Variants in PRAMEF1 observed in about 807,000 individuals in gnomAD.
PRAMEF1 encodes the protein PRAME family member 1.
PRAMEF1 carries 21 observed loss-of-function variants against 38.2 expected under a neutral mutation model. That is an observed-to-expected ratio of 0.55 (90% confidence interval 0.39 to 0.79). The LOEUF (loss-of-function observed/expected upper bound fraction) is 0.79, where lower values mean the gene tolerates loss of function less well. PRAMEF1 is among the 30% of genes least tolerant of loss of function. The pLI is 0.00. For synonymous variants in PRAMEF1, 200 were observed against 229.0 expected, an observed-to-expected ratio of 0.87 and a Z score of 1.14; for missense variants, 497 against 565.8, an observed-to-expected ratio of 0.88 and a Z score of 1.23.
rs200536957 is a variant in PRAMEF1, at chr1:12,795,498, C to T, written c.927C>T (p.Asp309=). The T allele has an allele frequency of 4.3e-6, 7 of 1,612,236 alleles. No individual in the cohort carries two copies. Among genetic ancestry groups the T allele is most frequent in the East Asian group, 4.5e-5 (2 of 44,778 alleles). ...CTTATGGCTACCTATTGGAAGAAGA[C>T]ATGAAGTGTCTCTCCCAGTACCCAA... The part of the protein sequence containing the change: ...ELTYGYLLEE[D]MKCLSQYPSL... Residue 309 remains aspartate (D), a synonymous_variant, in exon 4 of 4, where the codon GAC becomes GAT. Transcript: ENST00000332296.
In PRAMEF1 at chr1:12,795,604, G is replaced by C. The variant is rs762671268; in HGVS notation, c.1033G>C (p.Glu345Gln). Residue 345 changes from glutamate to glutamine, a missense_variant, in exon 4 of 4, where the codon GAG (glutamate) becomes CAG (glutamine). Glu to Gln is a conservative substitution (Grantham distance 29, BLOSUM62 2). Around this residue, in one of 2 missense-constraint regions of PRAMEF1, gnomAD observed 470 missense variants for 501.9 expected, o/e 0.94. Coordinates refer to ENST00000332296, the MANE Select transcript of PRAMEF1 (RefSeq NM_023013.4). ...ISLEPLGALL[E>Q]KIAASLKTLI... Reference sequence around the variant, plus strand: ...TCTTGAACCCCTCGGAGCTCTGCTGGAGAAAATTGCTGCCTCTCTCAAAAC... The same window carrying C: ...TCTTGAACCCCTCGGAGCTCTGCTGCAGAAAATTGCTGCCTCTCTCAAAAC... The C allele has an allele frequency of 6.8e-6, 11 of 1,611,934 alleles. No homozygotes were observed. The highest frequency in any genetic ancestry group is 9.3e-6 in the Non-Finnish European group (11 of 1,179,790).
chr1:12,792,072 C>G lies in PRAMEF1; in HGVS notation c.-26+598C>G, dbSNP rs1311372057. ...AGTTTCCCTATTGTTGCCCAGGCTGCAGTGCCATGGTGTGATTTGGCTCAC... is the reference window on the plus strand; with the variant it reads ...AGTTTCCCTATTGTTGCCCAGGCTGGAGTGCCATGGTGTGATTTGGCTCAC... On this transcript the variant is annotated intron_variant, in intron 1 of 3. Transcript: ENST00000332296. 1.4e-3 allele frequency among the ~76,000 whole-genome samples: 204 copies of G among 151,000 alleles called. 2 individuals carry two copies. The highest frequency in any genetic ancestry group is 3.8e-3 in the Admixed American group (57 of 15,102).
In PRAMEF1 at chr1:12,794,502, G is replaced by C. The variant is rs774651517; in HGVS notation, c.866+9G>C. On this transcript the variant is annotated intron_variant, in intron 3 of 3. Coordinates refer to ENST00000332296, the MANE Select transcript of PRAMEF1 (RefSeq NM_023013.4). Reference sequence around the variant, plus strand: ...CTGGAACAGCTGATCAGGTGAGAAAGGATCATGCACTTTGTATGCAGACCA... The same window carrying C: ...CTGGAACAGCTGATCAGGTGAGAAACGATCATGCACTTTGTATGCAGACCA... The C allele has an allele frequency of 3.1e-6, 5 of 1,609,820 alleles. No homozygotes were observed. The highest frequency in any genetic ancestry group is 4.2e-6 in the Non-Finnish European group (5 of 1,177,780).
chr1:12,794,310 T>C lies in PRAMEF1; in HGVS notation c.683T>C (p.Leu228Pro), dbSNP rs1283581715. 2.5e-6 allele frequency: 4 copies of C among 1,612,206 alleles called. No homozygotes were observed. Among genetic ancestry groups the C allele is most frequent in the East Asian group, 2.2e-5 (1 of 44,654 alleles). ...PRLIRKLRCY[L>P]KEMKNLRKLV... is the part of the protein sequence containing the mutation. ...CTGATAAGAAAGCTTCGTTGTTACCTGAAGGAGATGAAGAATCTTCGCAAA... is the reference window on the plus strand; with the variant it reads ...CTGATAAGAAAGCTTCGTTGTTACCCGAAGGAGATGAAGAATCTTCGCAAA... Residue 228 changes from leucine (L) to proline (P), a missense_variant, in exon 3 of 4, where the codon CTG becomes CCG. Leu to Pro is a moderately conservative substitution (Grantham distance 98, BLOSUM62 -3). Around this residue, in one of 2 missense-constraint regions of PRAMEF1, gnomAD observed 470 missense variants for 501.9 expected, o/e 0.94. Transcript: ENST00000332296.
At position 12,794,432 on chromosome 1, in the gene PRAMEF1, C is replaced by T. The variant is rs1447175543; in HGVS notation, c.805C>T (p.Leu269Phe). The change falls in exon 3 of 4, where the codon CTT becomes TTT. Residue 269 changes from leucine to phenylalanine, a missense_variant. Around this residue, in one of 2 missense-constraint regions of PRAMEF1, gnomAD observed 470 missense variants for 501.9 expected, o/e 0.94. Transcript: ENST00000332296. ...FSSVFLRLEH[L>F]QLLKIKLITF... Reference sequence around the variant, plus strand: ...CTCTGTGTTCCTCAGGCTGGAACACCTTCAGTTGCTTAAAATAAAATTGAT... The same window carrying T: ...CTCTGTGTTCCTCAGGCTGGAACACTTTCAGTTGCTTAAAATAAAATTGAT... 1 of 1,610,536 alleles carries T rather than the reference C, an allele frequency of 6.2e-7. No individual in the cohort carries two copies. Among genetic ancestry groups the T allele is most frequent in the Non-Finnish European group, 8.5e-7 (1 of 1,177,986 alleles).
At chr1:12,795,146 C>A (rs1318062181) in intron 3 of PRAMEF1, among the ~76,000 whole-genome samples, 3 of 151,332 alleles carry the variant, frequency 2.0e-5, no homozygotes, top group Non-Finnish European at 2.9e-5. Flanking sequence ...ACATCTCCCA[C>A]CGGGTACCTG....
chr1:12,793,181 T>C, intron 1 of PRAMEF1, 22 bp from the exon 2 acceptor site: 7 of 1,603,374 alleles, frequency 4.4e-6, no homozygotes, highest in Non-Finnish European at 6.0e-6. Context: ...AGTGACACAT[T>C]TTCCCTGGAT....
At chr1:12,795,037 G>C in intron 3 of PRAMEF1, 2 of 1,169,544 alleles carry the variant, frequency 1.7e-6, no homozygotes, top group Non-Finnish European at 2.3e-6. Context: ...GTGGTAAAAA[G>C]TGACAGTTGG....
intron 1 of PRAMEF1, among the ~76,000 whole-genome samples, chr1:12,791,830 T>C (rs563773604): frequency 6.6e-6 from 1 of 151,490 alleles, no homozygotes; most frequent in South Asian, 2.1e-4. Context: ...TGCTTTCATT[T>C]TCATAAAATC....
chr1:12,795,542 A>T lies in PRAMEF1; in HGVS notation c.971A>T (p.His324Leu), dbSNP rs143186065. 1,697 of 1,612,668 alleles carry T rather than the reference A, an allele frequency of 1.1e-3. 31 individuals are homozygous for T. The African/African-American group carries it at 0.019, about 18-fold the overall frequency. Residue 324 changes from histidine (H) to leucine (L), a missense_variant, in exon 4 of 4, where the codon CAT (histidine) becomes CTT (leucine). By Grantham distance (99) the His-to-Leu change is moderately conservative. This residue lies in a region of PRAMEF1 where 470 missense variants were observed against 501.9 expected (regional missense o/e 0.94). Coordinates refer to ENST00000332296, the MANE Select transcript of PRAMEF1 (RefSeq NM_023013.4). ...SQYPSLGYLK[H>L]LNLSYVLLFR... Reference sequence around the variant, plus strand: ...TACCCAAGCCTCGGTTACCTAAAGCATCTGAATCTCAGCTACGTGCTGCTG... The same window carrying T: ...TACCCAAGCCTCGGTTACCTAAAGCTTCTGAATCTCAGCTACGTGCTGCTG...
rs376452195 is a variant in PRAMEF1 at position 12,796,010 on chromosome 1, A to G, written c.*14A>G. 2.9e-4 allele frequency: 456 copies of G among 1,599,772 alleles called. 4 individuals are homozygous for G. The highest frequency in any genetic ancestry group is 3.6e-4 in the Non-Finnish European group (427 of 1,174,190). On this transcript the variant is annotated 3_prime_UTR_variant, in exon 4 of 4. Transcript: ENST00000332296. ...CTTTGCTGCTAGGGAAGGCGTGCCC[A>G]GTGGGGTAGAGAAATCCAAAGTTCT... is the stretch of plus-strand genomic sequence containing the variant.
chr1:12,793,167 T>A (rs1639323739), intron 1 of PRAMEF1, 36 bp from the exon 2 acceptor site: 1 of 1,599,654 alleles, frequency 6.3e-7, no homozygotes, highest in African/African-American at 1.3e-5. Flanking sequence ...GTCTTTGCCC[T>A]GAGAGTGACA....
Position 12,794,102 on chromosome 1 carries a change from C to A in PRAMEF1, c.475C>A (p.Pro159Thr), listed in dbSNP as rs200284704. Reference protein sequence around the residue: ...VFIDICLKEIPQDECLRYLFQ... With the variant: ...VFIDICLKEITQDECLRYLFQ... ...CATAGACATCTGCCTCAAGGAAATA[C>A]CCCAGGATGAATGCCTGAGATACCT... Residue 159 changes from proline (P) to threonine (T), a missense_variant, in exon 3 of 4, where the codon CCC becomes ACC. By Grantham distance (38) the Pro-to-Thr change is conservative (BLOSUM62 -1). Around this residue, in one of 2 missense-constraint regions of PRAMEF1, gnomAD observed 470 missense variants for 501.9 expected, o/e 0.94. Transcript: ENST00000332296. 8.1e-4 allele frequency: 1,310 copies of A among 1,609,786 alleles called. 47 individuals are homozygous for A. In the South Asian group the frequency reaches 0.014, roughly 17 times the overall value.
chr1:12,794,305 T>C lies in PRAMEF1; in HGVS notation c.678T>C (p.Cys226=), dbSNP rs776420015. 11 of 1,612,076 alleles carry C rather than the reference T, an allele frequency of 6.8e-6. No individual in the cohort carries two copies. Among genetic ancestry groups the C allele is most frequent in the Admixed American group, 5.0e-5 (3 of 59,826 alleles). The change falls in exon 3 of 4, where the codon TGT becomes TGC. Residue 226 remains cysteine (C), a synonymous_variant. Coordinates refer to ENST00000332296, the MANE Select transcript of PRAMEF1 (RefSeq NM_023013.4). The part of the protein sequence containing the change: ...SWPRLIRKLR[C]YLKEMKNLRK... ...CACGTCTGATAAGAAAGCTTCGTTG[T>C]TACCTGAAGGAGATGAAGAATCTTC...
Position 12,794,028 on chromosome 1 carries a change from C to T in PRAMEF1, c.401C>T (p.Thr134Ile). 8.7e-6 allele frequency: 14 copies of T among 1,608,568 alleles called. 1 individual carries two copies. Among genetic ancestry groups the T allele is most frequent in the African/African-American group, 1.3e-5 (1 of 74,680 alleles). Residue 134 changes from threonine (T) to isoleucine (I), a missense_variant, in exon 3 of 4, where the codon ACA becomes ATA. Around this residue, in one of 2 missense-constraint regions of PRAMEF1, gnomAD observed 470 missense variants for 501.9 expected, o/e 0.94. Transcript: ENST00000332296. ...CFPETTSKRQ[T>I]AEDCPRMGEH... ...CCAGAGACCACGAGTAAGAGGCAGA[C>T]AGCAGAGGACTGTCCAAGGATGGGA... is the stretch of plus-strand genomic sequence containing the variant.
At position 12,795,767 on chromosome 1, in the gene PRAMEF1, G is replaced by A. The variant is rs534609491; in HGVS notation, c.1196G>A (p.Arg399His). 2.7e-5 allele frequency: 44 copies of A among 1,611,136 alleles called. No individual in the cohort carries two copies. In the East Asian group the frequency reaches 5.4e-4, roughly 20 times the overall value. ...MSIDALKDLL[R>H]HTSGLSKLSL... ...ATTGACGCCCTGAAGGACCTGCTGCGCCACACCAGTGGGCTGAGCAAGTTA... is the reference window on the plus strand; with the variant it reads ...ATTGACGCCCTGAAGGACCTGCTGCACCACACCAGTGGGCTGAGCAAGTTA... Residue 399 changes from arginine to histidine, a missense_variant, in exon 4 of 4, where the codon CGC (arginine) becomes CAC (histidine). Coordinates refer to ENST00000332296, the MANE Select transcript of PRAMEF1 (RefSeq NM_023013.4).
Position 12,793,417 on chromosome 1 carries a change from C to T in PRAMEF1, c.190C>T (p.Leu64Phe). The T allele has an allele frequency of 6.2e-7, 1 of 1,610,122 alleles. No homozygotes were observed. The highest frequency in any genetic ancestry group is 8.5e-7 in the Non-Finnish European group (1 of 1,177,944). The change falls in exon 2 of 4, where the codon CTC becomes TTC. Residue 64 changes from leucine to phenylalanine, a missense_variant. Physicochemically the swap from Leu to Phe is conservative, Grantham distance 22. Around this residue, in one of 2 missense-constraint regions of PRAMEF1, gnomAD observed 470 missense variants for 501.9 expected, o/e 0.94. Coordinates refer to ENST00000332296, the MANE Select transcript of PRAMEF1 (RefSeq NM_023013.4). ...VMVQAWPFTC[L>F]PLGSLMKTLH... ...GGTTCAGGCCTGGCCCTTCACCTGC[C>T]TCCCTCTGGGATCACTGATGAAGAC...
intron 1 of PRAMEF1, among the ~76,000 whole-genome samples, chr1:12,791,978 G>C (rs945161491): frequency 1.3e-5 from 2 of 151,084 alleles, no homozygotes; most frequent in African/African-American, 4.9e-5. Flanking sequence ...CTTCATCTTA[G>C]AGTTACAGTG....
At chr1:12,793,680 G>C (rs1375883468) in intron 2 of PRAMEF1, among the ~76,000 whole-genome samples, 166 bp downstream of exon 2, 2 of 151,348 alleles carry the variant, frequency 1.3e-5, no homozygotes, top group African/African-American at 4.8e-5. Context: ...AGAAAGGACT[G>C]CTCACCATAC....
Sources: gnomAD v4.1 joint callset for allele counts (sites outside exome capture counted in the v4.1 genomes callset) on GRCh38, gnomAD v4.1.1 for gene constraint, gnomAD v4.1.1 regional missense constraint, MANE v1.5 for transcripts, NCBI Gene and HGNC (gene_info 2026-07-23, HGNC 2026-07-21) for gene names.